Variants in FHIP1A observed in about 807,000 individuals in gnomAD.
FHIP1A encodes FHF complex subunit HOOK-interacting protein 1A.
Under a neutral mutation model 88.6 loss-of-function variants are expected in FHIP1A, and 61 were observed. That is an observed-to-expected ratio of 0.69 (90% CI 0.56 to 0.85). The LOEUF (loss-of-function observed/expected upper bound fraction) is 0.85. Among genes scored for constraint, FHIP1A ranks in the 40% least tolerant of loss-of-function variants. FHIP1A has a pLI of 0.00. For synonymous variants in FHIP1A, 478 were observed against 496.0 expected (o/e 0.96, Z 0.48); for missense variants, 1,154 against 1,273.5 (o/e 0.91, Z 1.43).
Position 151,577,734 on chromosome 4 carries a change from C to T in FHIP1A, c.390C>T (p.His130=), listed in dbSNP as rs770845962. Residue 130 remains histidine (H), a synonymous_variant, in exon 5 of 14, where the codon CAC becomes CAT. Coordinates refer to ENST00000435205, the MANE Select transcript of FHIP1A (RefSeq NM_001109977.3). The stretch of plus-strand genomic sequence containing the variant: ...ATGAGATGTTGGTCACCCAGTCGCA[C>T]CAGCCTCTGCTGCACCACAAACCCA... ...KMYEMLVTQS[H]QPLLHHKPIL... The T allele has an allele frequency of 6.4e-5, 100 of 1,551,630 alleles. No homozygotes were observed. Among genetic ancestry groups the T allele is most frequent in the Non-Finnish European group, 8.2e-5 (94 of 1,147,000 alleles).
At chr4:151,459,555 A>G (rs1729078966) in intron 2 of FHIP1A, among the ~76,000 whole-genome samples, 1 of 152,218 alleles carries the variant, frequency 6.6e-6, no homozygotes, top group Non-Finnish European at 1.5e-5. Context: ...CTGACTTTGC[A>G]GCGTTTCCAT....
intron 3 of FHIP1A, among the ~76,000 whole-genome samples, chr4:151,504,016 T>C (rs1285548331): frequency 1.3e-5 from 2 of 152,260 alleles, no homozygotes; most frequent in African/African-American, 4.8e-5. Flanking sequence ...ACTTGTTATA[T>C]GGTCATATTT....
chr4:151,588,827 G>A lies in FHIP1A; in HGVS notation c.892-13G>A. On this transcript the variant is annotated splice_polypyrimidine_tract_variant and intron_variant, in intron 6 of 13. Coordinates refer to ENST00000435205, the MANE Select transcript of FHIP1A (RefSeq NM_001109977.3). ...CTCTTTGCCTTTTTCATGCCTATGT[G>A]CCTCTCTCTCAGGTGGCTCACCCCT... The A allele has an allele frequency of 6.6e-7, 1 of 1,517,054 alleles. No individual in the cohort carries two copies. Among genetic ancestry groups the A allele is most frequent in the Non-Finnish European group, 9.0e-7 (1 of 1,115,602 alleles). The allele number at this position is 1,517,054 out of a possible 1,614,324, so 94.0% of individuals were successfully genotyped here.
chr4:151,555,306 A>C (rs1467713110), intron 3 of FHIP1A, among the ~76,000 whole-genome samples: 1 of 152,190 alleles, frequency 6.6e-6, no homozygotes, highest in Non-Finnish European at 1.5e-5. Flanking sequence ...CTTGGGTAAG[A>C]ACATTTTAGA....
intron 2 of FHIP1A, among the ~76,000 whole-genome samples, chr4:151,465,545 C>G (rs1729280045): frequency 6.6e-6 from 1 of 152,176 alleles, no homozygotes; most frequent in Non-Finnish European, 1.5e-5. Context: ...CATCCTGATA[C>G]CAAAACCTGG....
At chr4:151,496,345 G>T (rs1048976897) in intron 3 of FHIP1A, among the ~76,000 whole-genome samples, 1 of 151,562 alleles carries the variant, frequency 6.6e-6, no homozygotes, top group Non-Finnish European at 1.5e-5. Context: ...ACTCATATTC[G>T]GTAGCTTTGT....
rs199808231 is a variant in FHIP1A at position 151,575,587 on chromosome 4, T to C, written c.106-1863T>C. ...GGCCAGGTACTCCCTGGGTAGGGGCTAGCCAAAGGCCTTCCTTATTAAAAA... is the reference window on the plus strand; with the variant it reads ...GGCCAGGTACTCCCTGGGTAGGGGCCAGCCAAAGGCCTTCCTTATTAAAAA... On this transcript the variant is annotated intron_variant, in intron 4 of 13. Transcript: ENST00000435205. 1.2e-4 allele frequency among the ~76,000 whole-genome samples: 18 copies of C among 152,308 alleles called. No homozygotes were observed. In the East Asian group the frequency reaches 2.7e-3, roughly 23 times the overall value.
intron 13 of FHIP1A, among the ~76,000 whole-genome samples, chr4:151,661,989 C>T (rs990684639): frequency 1.2e-4 from 19 of 152,184 alleles, no homozygotes; most frequent in Non-Finnish European, 2.2e-4. Context: ...CCGGGGAGCC[C>T]GAGAGGCTGG....
rs1011420164 is a variant in FHIP1A at position 151,663,931 on chromosome 4, C to T, written c.*1177C>T. Among the ~76,000 whole-genome samples the T allele has an allele frequency of 6.6e-6, 1 of 152,162 alleles. No homozygotes were observed. The highest frequency in any genetic ancestry group is 2.4e-5 in the African/African-American group (1 of 41,440). On this transcript the variant is annotated 3_prime_UTR_variant, in exon 14 of 14. Coordinates refer to ENST00000435205, the MANE Select transcript of FHIP1A (RefSeq NM_001109977.3). ...AGAAGGCCCCAACGTGCTGTATGAG[C>T]GTCCCTCTGCTGCTTTGCAGCCTGC...
chr4:151,649,964 T>C lies in FHIP1A; in HGVS notation c.1923T>C (p.Asp641=). The C allele has an allele frequency of 6.4e-7, 1 of 1,551,404 alleles. No individual in the cohort carries two copies. The highest frequency in any genetic ancestry group is 8.7e-7 in the Non-Finnish European group (1 of 1,146,942). ...TAGAAGAGTCGGACTTTCAGGATGA[T>C]GTGATGGTGTACAGGCTGTGTGCTG... The part of the protein sequence containing the change: ...SYIEESDFQD[D]VMVYRLCAEK... Residue 641 remains aspartate, a synonymous_variant, in exon 11 of 14, where the codon GAT becomes GAC. Coordinates refer to ENST00000435205, the MANE Select transcript of FHIP1A (RefSeq NM_001109977.3).
rs1330547526 is a variant in FHIP1A, at chr4:151,664,487, A to C, written c.*1733A>C. Among the ~76,000 whole-genome samples the C allele has an allele frequency of 6.6e-6, 1 of 152,220 alleles. No homozygotes were observed. The highest frequency in any genetic ancestry group is 1.9e-4 in the East Asian group (1 of 5,198). ...TGTTTCATAGTCCAAGCAAGACACC[A>C]AAGATTCCTACTCACTGTACATTTC... On this transcript the variant is annotated 3_prime_UTR_variant, in exon 14 of 14. Coordinates refer to ENST00000435205, the MANE Select transcript of FHIP1A (RefSeq NM_001109977.3).
At chr4:151,642,861 G>GAT (rs994228602) in intron 9 of FHIP1A, among the ~76,000 whole-genome samples, 37 of 150,228 alleles carry the variant, frequency 2.5e-4, no homozygotes, top group Middle Eastern at 3.5e-3. Context: ...CAATATGTAT[G>GAT]ATATATATAT....
chr4:151,589,435 A>ACT (rs75285217), intron 7 of FHIP1A, among the ~76,000 whole-genome samples: 48,437 of 152,056 alleles, frequency 0.32, 7,719 homozygotes, highest in Non-Finnish European at 0.33. Context: ...CATTAGCACA[A>ACT]CTGAATTTCT....
At chr4:151,605,423 C>T (rs1461239505) in intron 7 of FHIP1A, among the ~76,000 whole-genome samples, 1 of 152,134 alleles carries the variant, frequency 6.6e-6, no homozygotes, top group Non-Finnish European at 1.5e-5. Flanking sequence ...CACAGGCATT[C>T]GCAATGATAA....
At chr4:151,541,493 A>G (rs1418812567) in intron 3 of FHIP1A, among the ~76,000 whole-genome samples, 1 of 152,162 alleles carries the variant, frequency 6.6e-6, no homozygotes, top group Non-Finnish European at 1.5e-5. Context: ...AATAATATTC[A>G]TTAAGCTCCT....
intron 2 of FHIP1A, among the ~76,000 whole-genome samples, chr4:151,476,867 A>C (rs758584134): frequency 7.5e-6 from 1 of 132,676 alleles, no homozygotes; most frequent in Non-Finnish European, 1.8e-5. Context: ...GTTAGAAGAT[A>C]TATTGGGGAA....
chr4:151,659,841 C>A (rs1737386229), intron 13 of FHIP1A, among the ~76,000 whole-genome samples: 1 of 152,164 alleles, frequency 6.6e-6, no homozygotes. Flanking sequence ...TCTGTGTGGC[C>A]GCTGCTCCAG....
chr4:151,412,584 T>C (rs141056423), intron 1 of FHIP1A, among the ~76,000 whole-genome samples: 50,502 of 114,986 alleles, frequency 0.44, 12,430 homozygotes, highest in Non-Finnish European at 0.52. Flanking sequence ...CTTTCCTTTC[T>C]TTCCTTCCTT....
Position 151,631,642 on chromosome 4 carries a change from C to T in FHIP1A, c.1146+1773C>T, listed in dbSNP as rs370229141. On this transcript the variant is annotated intron_variant, in intron 8 of 13. Coordinates refer to ENST00000435205, the MANE Select transcript of FHIP1A (RefSeq NM_001109977.3). ...TATGACCAAACTGCTTTTGTAAGAACTTCAGAAACTTTGTAAGAACACCAG... is the reference window on the plus strand; with the variant it reads ...TATGACCAAACTGCTTTTGTAAGAATTTCAGAAACTTTGTAAGAACACCAG... Among the ~76,000 whole-genome samples the T allele has an allele frequency of 2.6e-5, 4 of 152,100 alleles. No homozygotes were observed. The East Asian group carries it at 7.7e-4, about 29-fold the overall frequency.
Sources: allele counts gnomAD v4.1 joint callset (sites outside exome capture counted in the v4.1 genomes callset), GRCh38; gene constraint gnomAD v4.1.1; transcripts MANE v1.5; gene names NCBI Gene and HGNC (gene_info 2026-07-23, HGNC 2026-07-21).